The following SLC5A4 variants were observed in gnomAD, a reference collection of about 807,000 sequenced individuals.
The protein encoded by SLC5A4 is probable glucose sensor protein SLC5A4.
Under a neutral mutation model 70.3 loss-of-function variants are expected in SLC5A4, and 55 were observed. That is an observed-to-expected ratio of 0.78 (90% CI 0.63 to 0.98). The LOEUF (loss-of-function observed/expected upper bound fraction) is 0.98, where lower values mean the gene tolerates loss of function less well. Ranked by LOEUF, SLC5A4 falls within the 50% of genes least tolerant of loss-of-function variation. SLC5A4 has a pLI of 0.00. For missense variants in SLC5A4, 735 were observed against 839.2 expected (o/e 0.88, Z 1.53); for synonymous variants, 268 against 305.7 (o/e 0.88, Z 1.29).
the SLC5A4 span, among the ~76,000 whole-genome samples, chr22:32,307,343 G>A: frequency 6.6e-6 from 1 of 152,156 alleles, no homozygotes; most frequent in Non-Finnish European, 1.5e-5. Flanking sequence ...AAACTGGGGT[G>A]GTGGGAGCAA....
At chr22:32,303,859 T>C in the SLC5A4 span, among the ~76,000 whole-genome samples, 1 of 152,164 alleles carries the variant, frequency 6.6e-6, no homozygotes, top group Non-Finnish European at 1.5e-5. Context: ...ATATGTTTTG[T>C]TTTGTAAGAA....
intron 7 of SLC5A4, 124 bp downstream of exon 7, chr22:32,237,120 T>TA: frequency 1.4e-6 from 1 of 714,694 alleles, no homozygotes; most frequent in Non-Finnish European, 2.5e-6. Flanking sequence ...GGGGATTATG[T>TA]AAATGACTGG....
At chr22:32,271,161 G>T in the SLC5A4 span, 1 of 683,456 alleles carries the variant, frequency 1.5e-6, no homozygotes, top group African/African-American at 1.8e-5. Context: ...GGTGCCTGCT[G>T]TTGCAGGAGA....
chr22:32,257,967 G>A (rs963652210), upstream of SLC5A4, among the ~76,000 whole-genome samples: 1 of 151,520 alleles, frequency 6.6e-6, no homozygotes, highest in Non-Finnish European at 1.5e-5. Context: ...ACCTCGCCCA[G>A]CTAAGGTTTT....
the SLC5A4 span, among the ~76,000 whole-genome samples, chr22:32,301,610 T>C: frequency 2.0e-5 from 3 of 152,142 alleles, no homozygotes; most frequent in Non-Finnish European, 4.4e-5. Flanking sequence ...ATCTATAAAT[T>C]CAACAAAGTC....
chr22:32,309,629 C>T, the SLC5A4 span, among the ~76,000 whole-genome samples: 1 of 152,042 alleles, frequency 6.6e-6, no homozygotes, highest in Non-Finnish European at 1.5e-5. Context: ...TTTTCAGGAG[C>T]CCTTGACACC....
the SLC5A4 span, among the ~76,000 whole-genome samples, chr22:32,352,777 G>A: frequency 6.6e-6 from 1 of 152,190 alleles, no homozygotes. Flanking sequence ...CACCCTACAA[G>A]GCTCCTAACA....
chr22:32,269,687 TC>T, the SLC5A4 span: 1 of 599,400 alleles, frequency 1.7e-6, no homozygotes, highest in Non-Finnish European at 3.3e-6. This position sits in a 1 kb window ranked among gnomAD's most constrained non-coding sequence, Gnocchi z 4.1. Context: ...ACCAGAGCAT[TC>T]CCCCGTACGG....
chr22:32,231,169 G>T, intron 9 of SLC5A4, 94 bp from the exon 10 acceptor site: 1 of 767,840 alleles, frequency 1.3e-6, no homozygotes, highest in South Asian at 1.5e-5. Flanking sequence ...TCATAAGGAA[G>T]GAAAGACATT....
chr22:32,305,599 C>T, the SLC5A4 span, among the ~76,000 whole-genome samples: 1 of 148,100 alleles, frequency 6.8e-6, no homozygotes, highest in East Asian at 2.0e-4. Flanking sequence ...TCTGGTGCCG[C>T]TTTTCTCCAC....
chr22:32,262,954 G>A, the SLC5A4 span, among the ~76,000 whole-genome samples: 1 of 152,036 alleles, frequency 6.6e-6, no homozygotes, highest in Non-Finnish European at 1.5e-5. Context: ...ATTTTTAGTA[G>A]AGATGGGGTT....
chr22:32,329,387 T>C, the SLC5A4 span, among the ~76,000 whole-genome samples: 1 of 152,104 alleles, frequency 6.6e-6, no homozygotes, highest in Non-Finnish European at 1.5e-5. Flanking sequence ...GTCTATTGAG[T>C]CGGGAGAAAA....
intron 4 of SLC5A4, among the ~76,000 whole-genome samples, chr22:32,248,212 G>C (rs1926942130): frequency 6.6e-6 from 1 of 152,210 alleles, no homozygotes. Context: ...ATGCCTGACA[G>C]ATTTACCCAA....
At chr22:32,279,145 G>A in the SLC5A4 span, among the ~76,000 whole-genome samples, 3 of 152,116 alleles carry the variant, frequency 2.0e-5, no homozygotes, top group South Asian at 2.1e-4. Flanking sequence ...GCGTGGTGGC[G>A]GGCACCTGTA....
At chr22:32,354,523 G>C in the SLC5A4 span, among the ~76,000 whole-genome samples, 4 of 151,836 alleles carry the variant, frequency 2.6e-5, no homozygotes, top group East Asian at 5.8e-4. Context: ...TGCCTGACAA[G>C]GGCAATGCAA....
At chr22:32,313,154 G>A in the SLC5A4 span, among the ~76,000 whole-genome samples, 2 of 152,214 alleles carry the variant, frequency 1.3e-5, no homozygotes, top group East Asian at 3.8e-4. Context: ...AGGTTAATTA[G>A]TAGAATGGAG....
chr22:32,248,651 T>G (rs975834139), intron 4 of SLC5A4, 92 bp downstream of exon 4: 1 of 928,068 alleles, frequency 1.1e-6, no homozygotes, highest in Non-Finnish European at 1.8e-6. Context: ...CCTTTTTTCC[T>G]GGCAATACTC....
chr22:32,271,928 T>C, the SLC5A4 span: 1 of 575,602 alleles, frequency 1.7e-6, no homozygotes, highest in Non-Finnish European at 3.3e-6. Flanking sequence ...CAACACACTG[T>C]GCACCTGCAT....
chr22:32,247,832 C>G (rs797008485), intron 4 of SLC5A4, among the ~76,000 whole-genome samples: 5 of 152,332 alleles, frequency 3.3e-5, no homozygotes, highest in African/African-American at 1.2e-4. Context: ...GCCTTGAATG[C>G]ACCAAACATA....
Sources: allele counts gnomAD v4.1 joint callset (sites outside exome capture counted in the v4.1 genomes callset), GRCh38; gene constraint gnomAD v4.1.1; non-coding constraint Gnocchi (gnomAD v3.1); transcripts MANE v1.5; gene names NCBI Gene and HGNC (gene_info 2026-07-23, HGNC 2026-07-21).